Variants in C8orf34 observed in about 807,000 individuals in gnomAD.
C8orf34 encodes the protein uncharacterized protein C8orf34.
C8orf34 carries 65 observed loss-of-function variants against 68.3 expected under a neutral mutation model. The observed-to-expected ratio is 0.95, with a 90% CI of 0.78 to 1.17. The LOEUF (loss-of-function observed/expected upper bound fraction) is 1.17, where lower values mean the gene tolerates loss of function less well. C8orf34 is among the 50% of genes most tolerant of loss of function. The pLI is 0.00. For missense variants in C8orf34, 664 were observed against 655.4 expected, an observed-to-expected ratio of 1.01 and a Z score of -0.14; for synonymous variants, 244 against 241.2, an observed-to-expected ratio of 1.01 and a Z score of -0.11.
At chr8:68,577,979 T>C (rs909608943) in intron 7 of C8orf34, among the ~76,000 whole-genome samples, 2 of 151,882 alleles carry the variant, frequency 1.3e-5, no homozygotes. Flanking sequence ...TGTGTACTTA[T>C]GTGTATTTTC....
At chr8:68,573,679 A>T (rs753288511) in intron 7 of C8orf34, among the ~76,000 whole-genome samples, 1 of 152,196 alleles carries the variant, frequency 6.6e-6, no homozygotes, top group Admixed American at 6.6e-5. Context: ...CTGGTATTGC[A>T]TAACCACATT....
chr8:68,408,812 G>A (rs370152568), intron 1 of C8orf34, among the ~76,000 whole-genome samples: 55 of 151,504 alleles, frequency 3.6e-4, no homozygotes, highest in African/African-American at 9.9e-4. Flanking sequence ...TTTTTGAGAC[G>A]GAGTCTTGCT....
intron 1 of C8orf34, among the ~76,000 whole-genome samples, chr8:68,353,556 T>A (rs922154175): frequency 1.3e-5 from 2 of 149,308 alleles, no homozygotes; most frequent in South Asian, 4.2e-4. Flanking sequence ...TATACACATA[T>A]GTGTGTGTGC....
intron 7 of C8orf34, among the ~76,000 whole-genome samples, chr8:68,588,130 G>A (rs375014433): frequency 6.6e-6 from 1 of 152,082 alleles, no homozygotes; most frequent in Non-Finnish European, 1.5e-5. Context: ...GACTACAATA[G>A]CTGCCCTTCC....
intron 3 of C8orf34, among the ~76,000 whole-genome samples, chr8:68,451,705 A>G (rs1453342150): frequency 6.6e-6 from 1 of 152,058 alleles, no homozygotes; most frequent in East Asian, 1.9e-4. Flanking sequence ...TAGTAATATC[A>G]AAGATCACTG....
chr8:68,435,383 G>A (rs1051465475), intron 1 of C8orf34, among the ~76,000 whole-genome samples: 6 of 152,002 alleles, frequency 3.9e-5, no homozygotes, highest in Non-Finnish European at 7.4e-5. Flanking sequence ...GGCCACAGAG[G>A]ACATGGAAAT....
intron 7 of C8orf34, among the ~76,000 whole-genome samples, chr8:68,618,749 C>A (rs1347410702): frequency 6.6e-6 from 1 of 152,094 alleles, no homozygotes; most frequent in East Asian, 1.9e-4. Context: ...AGCTTAAAAG[C>A]TTTTTCTCAA....
chr8:68,658,843 A>C (rs934050892), intron 8 of C8orf34, among the ~76,000 whole-genome samples: 1 of 152,194 alleles, frequency 6.6e-6, no homozygotes, highest in African/African-American at 2.4e-5. Flanking sequence ...TTTTGTTTAG[A>C]AAAACATTGT....
chr8:68,436,716 T>C (rs1375556798), intron 1 of C8orf34, among the ~76,000 whole-genome samples: 1 of 152,164 alleles, frequency 6.6e-6, no homozygotes, highest in South Asian at 2.1e-4. Context: ...ACTTTTTTCC[T>C]ATGGTGAATG....
At chr8:68,685,216 G>A (rs902498259) in intron 8 of C8orf34, among the ~76,000 whole-genome samples, 7 of 152,026 alleles carry the variant, frequency 4.6e-5, no homozygotes, top group East Asian at 3.9e-4. Context: ...GATAACTAGA[G>A]CTCCTCTTCA....
chr8:68,680,967 G>A (rs933751634), intron 8 of C8orf34, among the ~76,000 whole-genome samples: 5 of 151,942 alleles, frequency 3.3e-5, no homozygotes, highest in Non-Finnish European at 1.5e-5. Context: ...CTTTCCCAGG[G>A]TATTAATATT....
chr8:68,487,738 G>A (rs551678748), intron 4 of C8orf34, among the ~76,000 whole-genome samples: 9 of 152,184 alleles, frequency 5.9e-5, no homozygotes, highest in South Asian at 2.1e-4. Context: ...AATTACATTC[G>A]CAAGTTTGTT....
At chr8:68,336,240 A>G (rs1327324982) in intron 1 of C8orf34, among the ~76,000 whole-genome samples, 1 of 152,050 alleles carries the variant, frequency 6.6e-6, no homozygotes, top group African/African-American at 2.4e-5. Flanking sequence ...CAAAGAGAAC[A>G]GCTAAGACTA....
At chr8:68,446,133 A>G (rs144197495) in intron 2 of C8orf34, among the ~76,000 whole-genome samples, 196 bp from the exon 3 acceptor site, 8 of 152,322 alleles carry the variant, frequency 5.3e-5, no homozygotes, top group African/African-American at 1.9e-4. Flanking sequence ...ATGCATATAT[A>G]AACTGATTCA....
chr8:68,640,088 T>C (rs1206614525), intron 7 of C8orf34, among the ~76,000 whole-genome samples: 1 of 152,184 alleles, frequency 6.6e-6, no homozygotes, highest in Non-Finnish European at 1.5e-5. Flanking sequence ...CCCCAGTGGG[T>C]ATGGCAGAGT....
chr8:68,772,802 CTT>C, intron 10 of C8orf34, among the ~76,000 whole-genome samples: 1 of 141,652 alleles, frequency 7.1e-6, no homozygotes, highest in South Asian at 2.2e-4. Context: ...TCCCTCCCTC[CTT>C]TCTTTCTTTC....
intron 7 of C8orf34, chr8:68,533,875 G>A (rs1027493174): frequency 2.5e-4 from 238 of 957,990 alleles, no homozygotes; most frequent in Non-Finnish European, 2.8e-4. Flanking sequence ...GAGTTTTGAA[G>A]TCAGTGGTAT....
intron 7 of C8orf34, among the ~76,000 whole-genome samples, chr8:68,590,759 T>C (rs142205625): frequency 1.3e-5 from 2 of 152,226 alleles, no homozygotes; most frequent in Non-Finnish European, 1.5e-5. Context: ...ATCAATGTCA[T>C]ATGAGAGCAG....
intron 1 of C8orf34, among the ~76,000 whole-genome samples, chr8:68,408,874 T>G (rs1809320031): frequency 6.6e-6 from 1 of 152,156 alleles, no homozygotes; most frequent in South Asian, 2.1e-4. Context: ...CTGCAACTTC[T>G]GCCTCCTGCG....
Sources: allele counts gnomAD v4.1 joint callset (sites outside exome capture counted in the v4.1 genomes callset), GRCh38; gene constraint gnomAD v4.1.1; transcripts MANE v1.5; gene names NCBI Gene and HGNC (gene_info 2026-07-23, HGNC 2026-07-21).